RYR1: variants seen among roughly 807,000 people sequenced by gnomAD.
RYR1 encodes the protein central core disease of muscle.
RYR1 carries 342 observed loss-of-function variants against 583.5 expected under a neutral mutation model. The observed-to-expected ratio is 0.59, with a 90% CI of 0.54 to 0.64. The LOEUF is 0.64. Among genes scored for constraint, RYR1 ranks in the 30% least tolerant of loss-of-function variants. RYR1 has a pLI of 0.00. For synonymous variants in RYR1, 2,791 were observed against 2,822.5 expected (o/e 0.99, Z 0.35); for missense variants, 6,032 against 6,917.2 (o/e 0.87, Z 4.54).
At chr19:38,475,822 A>G (rs1280090268) in intron 29 of RYR1, among the ~76,000 whole-genome samples, 2 of 152,236 alleles carry the variant, frequency 1.3e-5, no homozygotes, top group African/African-American at 4.8e-5. Context: ...ACAAAAATTC[A>G]TAATTGTCTT....
Position 38,515,019 on chromosome 19 carries a change from C to T in RYR1, c.9473-7C>T. The stretch of plus-strand genomic sequence containing the variant: ...CATGCCGCAGCCTCGCCCCCTGTCT[C>T]CCTCAGTGGACGACGTCCAGGTCTC... On this transcript the variant is annotated splice_polypyrimidine_tract_variant and splice_region_variant and intron_variant, in intron 63 of 105. Transcript: ENST00000359596. 1 of 1,609,848 alleles carries T rather than the reference C, an allele frequency of 6.2e-7. No individual in the cohort carries two copies. Among genetic ancestry groups the T allele is most frequent in the Non-Finnish European group, 8.5e-7 (1 of 1,177,052 alleles).
intron 1 of RYR1, among the ~76,000 whole-genome samples, chr19:38,435,209 AG>A (rs1972373738): frequency 6.6e-6 from 1 of 152,142 alleles, no homozygotes; most frequent in Non-Finnish European, 1.5e-5. Context: ...GACAGATTTG[AG>A]GGAAACCAAG....
rs978984063 is a variant in RYR1, at chr19:38,516,165, C to A, written c.9633C>A (p.Asn3211Lys). Reference sequence around the variant, plus strand: ...TGGCGTTCCTGGAGCCGCAGCTGAACGAGTACAACGCCTGCTCCGTGTACA... The same window carrying A: ...TGGCGTTCCTGGAGCCGCAGCTGAAAGAGTACAACGCCTGCTCCGTGTACA... ...MPVAFLEPQL[N>K]EYNACSVYTT... Residue 3211 changes from asparagine to lysine, a missense_variant, in exon 65 of 106, where the codon AAC becomes AAA. Around this residue, in one of 11 missense-constraint regions of RYR1, gnomAD observed 1,493 missense variants for 1,715.5 expected, o/e 0.87. Transcript: ENST00000359596. 6.4e-7 allele frequency: 1 copy of A among 1,562,022 alleles called. No individual in the cohort carries two copies. The highest frequency in any genetic ancestry group is 8.7e-7 in the Non-Finnish European group (1 of 1,153,024).
intron 70 of RYR1, 57 bp downstream of exon 70, chr19:38,523,986 AGCCTCTGCAC>A (rs1241280417): frequency 6.3e-7 from 1 of 1,577,600 alleles, no homozygotes. Flanking sequence ...CTCTTCCCCC[AGCCTCTGCAC>A]GCCCCCGCCT....
intron 1 of RYR1, among the ~76,000 whole-genome samples, chr19:38,435,919 T>C (rs1972406948): frequency 2.6e-5 from 4 of 152,022 alleles, no homozygotes; most frequent in Admixed American, 2.6e-4. Context: ...TATTTATTTA[T>C]TTTTTTGAGA....
At chr19:38,449,465 A>G (rs1289008938) in intron 11 of RYR1, among the ~76,000 whole-genome samples, 2 of 152,230 alleles carry the variant, frequency 1.3e-5, no homozygotes, top group African/African-American at 4.8e-5. Flanking sequence ...CCGTCTCAGA[A>G]AAACAAAAAC....
In RYR1 at chr19:38,528,140, AGG is replaced by A. The variant is rs770514831; in HGVS notation, c.10825-165_10825-164del. 1.7e-5 allele frequency: 12 copies of A among 688,028 alleles called. 1 individual carries two copies. In the South Asian group the frequency reaches 1.9e-4, roughly 11 times the overall value. The allele number at this position is 688,028 out of a possible 1,614,324, so 42.6% of individuals were successfully genotyped here. A position where few individuals can be genotyped will look rare whatever the true frequency, so the allele number is the denominator to read the frequency against. On this transcript the variant is annotated intron_variant, in intron 73 of 105. Transcript: ENST00000359596. ...GCCTAGGATGGAAACTTAGGTCTGGAGGCGGAGTCAGGACCCTGACTCTGTTG... is the reference window on the plus strand; with the variant it reads ...GCCTAGGATGGAAACTTAGGTCTGGACGGAGTCAGGACCCTGACTCTGTTG...
intron 31 of RYR1, among the ~76,000 whole-genome samples, chr19:38,479,655 T>TC (rs557464927): frequency 1.7e-3 from 253 of 151,716 alleles, no homozygotes; most frequent in Middle Eastern, 3.4e-3. Flanking sequence ...TCAAGCGATC[T>TC]CCCCACCTTG....
chr19:38,565,750 C>A lies in RYR1; in HGVS notation c.13416C>A (p.Pro4472=). The part of the protein sequence containing the change: ...PAEPPTPEGS[P]ILKRKLGVDG... ...AACCGCCCACACCCGAGGGCTCTCC[C>A]ATCCTCAAGAGGAAATTGGGGGTGA... Residue 4472 remains proline, a synonymous_variant, in exon 91 of 106, where the codon CCC becomes CCA. Transcript: ENST00000359596. The surrounding 1 kb of genome is among the most constrained non-coding windows in gnomAD (Gnocchi z 4.7). 2 of 1,416,824 alleles carry A rather than the reference C, an allele frequency of 1.4e-6. No homozygotes were observed. Among genetic ancestry groups the A allele is most frequent in the Non-Finnish European group, 1.8e-6 (2 of 1,093,662 alleles). 87.8% of individuals were successfully genotyped at this position (1,416,824 alleles called of 1,614,324 possible).
rs1969122391 is a variant in RYR1 at position 38,483,507 on chromosome 19, A to T, written c.4925A>T (p.Glu1642Val). Residue 1642 changes from glutamate (E) to valine (V), a missense_variant, in exon 33 of 106, where the codon GAG becomes GTG. Glu to Val is a moderately radical substitution (Grantham distance 121). Coordinates refer to ENST00000359596, the MANE Select transcript of RYR1 (RefSeq NM_000540.3). The surrounding 1 kb of genome is among the most constrained non-coding windows in gnomAD (Gnocchi z 6.3). ...PLTMMALHIP[E>V]ENRCMDILEL... ...ACCATGATGGCGCTGCACATCCCCG[A>T]GGAGAACCGGTCAGGGCCAGCCCAG... is the stretch of plus-strand genomic sequence containing the variant. 6.5e-7 allele frequency: 1 copy of T among 1,548,924 alleles called. No homozygotes were observed. Among genetic ancestry groups the T allele is most frequent in the African/African-American group, 1.4e-5 (1 of 73,576 alleles).
intron 81 of RYR1, chr19:38,535,601 T>G: frequency 3.2e-6 from 2 of 633,212 alleles, no homozygotes; most frequent in Non-Finnish European, 5.7e-6. Context: ...TGAGTTGCAT[T>G]ATGAATTCCA....
rs1283384946 is a variant in RYR1 at position 38,494,542 on chromosome 19, G to C, written c.6465G>C (p.Leu2155=). ...CCTCCGTGGAAGACACCATGAGCCT[G>C]CTCGAGTGCCTCGGCCAGATCCGCT... ...SPSSVEDTMS[L]LECLGQIRSL... is the part of the protein sequence containing the mutation. Residue 2155 remains leucine (L), a synonymous_variant, in exon 39 of 106, where the codon CTG becomes CTC. Transcript: ENST00000359596. 3 of 1,613,932 alleles carry C rather than the reference G, an allele frequency of 1.9e-6. No homozygotes were observed. Among genetic ancestry groups the C allele is most frequent in the Non-Finnish European group, 2.5e-6 (3 of 1,180,058 alleles).
chr19:38,553,628 T>C (rs1972759737), intron 89 of RYR1, among the ~76,000 whole-genome samples: 1 of 152,184 alleles, frequency 6.6e-6, no homozygotes, highest in African/African-American at 2.4e-5. Flanking sequence ...CACTCCAGCC[T>C]GGGCAACAGA....
chr19:38,448,368 C>T lies in RYR1; in HGVS notation c.814C>T (p.His272Tyr). ...CACCCTCCACAGCTGGAGTGGGAGC[C>T]ACCTGCGCTGGGGCCAGCCACTCCG... ...EPLRISWSGS[H>Y]LRWGQPLRVR... Residue 272 changes from histidine (H) to tyrosine (Y), a missense_variant, in exon 10 of 106, where the codon CAC becomes TAC. His to Tyr is a moderately conservative substitution (Grantham distance 83). Transcript: ENST00000359596. The T allele has an allele frequency of 6.2e-7, 1 of 1,609,614 alleles. No individual in the cohort carries two copies. Among genetic ancestry groups the T allele is most frequent in the Non-Finnish European group, 8.5e-7 (1 of 1,179,936 alleles).
rs369422480 is a variant in RYR1, at chr19:38,525,381, G to A, written c.10505G>A (p.Arg3502Gln). The A allele has an allele frequency of 3.2e-5, 51 of 1,613,820 alleles. No individual in the cohort carries two copies. The highest frequency in any genetic ancestry group is 9.4e-5 in the African/African-American group (7 of 74,824). Residue 3502 changes from arginine (R) to glutamine (Q), a missense_variant, in exon 71 of 106, where the codon CGG (arginine) becomes CAG (glutamine). By Grantham distance (43) the Arg-to-Gln change is conservative (BLOSUM62 1). Coordinates refer to ENST00000359596, the MANE Select transcript of RYR1 (RefSeq NM_000540.3). ...ERTKKKRRGD[R>Q]YSVQTSLIVA... The stretch of plus-strand genomic sequence containing the variant: ...ACCAAGAAGAAGCGCCGGGGGGACC[G>A]GTACTCTGTGCAGACGTCACTGATC...
intron 93 of RYR1, among the ~76,000 whole-genome samples, chr19:38,569,521 C>T (rs910468890): frequency 1.2e-4 from 18 of 151,418 alleles, no homozygotes; most frequent in Admixed American, 2.0e-4. Context: ...TGTCACTTCA[C>T]TCCAACCTGG....
Position 38,483,625 on chromosome 19 carries a change from C to T in RYR1, c.4934+109C>T. The T allele has an allele frequency of 5.2e-6, 5 of 969,278 alleles. No individual in the cohort carries two copies. The South Asian group carries it at 5.9e-5, about 11-fold the overall frequency. The allele number at this position is 969,278 out of a possible 1,614,324, so 60.0% of individuals were successfully genotyped here. A position where few individuals can be genotyped will look rare whatever the true frequency, so the allele number is the denominator to read the frequency against. On this transcript the variant is annotated intron_variant, in intron 33 of 105. Coordinates refer to ENST00000359596, the MANE Select transcript of RYR1 (RefSeq NM_000540.3). The surrounding 1 kb of genome is among the most constrained non-coding windows in gnomAD (Gnocchi z 6.3). ...CACAACCCCGGGATTCCAGACTACA[C>T]CCCAGGAATCTCCAGACCTACCTCA...
chr19:38,571,651 AAG>A (rs1568592996), intron 94 of RYR1, among the ~76,000 whole-genome samples: 2 of 152,168 alleles, frequency 1.3e-5, no homozygotes. Flanking sequence ...CACCAAAAAA[AAG>A]AGGATGAGTG....
intron 7 of RYR1, among the ~76,000 whole-genome samples, chr19:38,445,014 T>G (rs568786222): frequency 5.3e-5 from 8 of 152,088 alleles, no homozygotes; most frequent in African/African-American, 1.9e-4. Flanking sequence ...CTCAGCACTT[T>G]GGGAGGCCGA....
Sources: gnomAD v4.1 joint callset for allele counts (sites outside exome capture counted in the v4.1 genomes callset) on GRCh38, gnomAD v4.1.1 for gene constraint, gnomAD v4.1.1 regional missense constraint, Gnocchi (gnomAD v3.1) non-coding constraint, MANE v1.5 for transcripts, NCBI Gene and HGNC (gene_info 2026-07-23, HGNC 2026-07-21) for gene names.